Variants in TMEM223 observed in about 807,000 individuals in gnomAD.
TMEM223 encodes transmembrane protein 223.
In TMEM223, 14 loss-of-function variants were observed where a neutral mutation model predicts 14.1. The ratio of observed to expected loss-of-function variants is 0.99; its 90% CI spans 0.66 to 1.55. The LOEUF is 1.55. TMEM223 is among the 40% of genes most tolerant of loss of function. The pLI is 0.00. For missense variants in TMEM223, 346 were observed against 269.9 expected, an observed-to-expected ratio of 1.28 and a Z score of -1.97; for synonymous variants, 145 against 120.5, an observed-to-expected ratio of 1.20 and a Z score of -1.33.
chr11:62,786,628 C>G, downstream of TMEM223: 1 of 1,602,086 alleles, frequency 6.2e-7, no homozygotes, highest in African/African-American at 1.3e-5. Context: ...GGACAGCCTT[C>G]TCTTTCAAGA....
At chr11:62,789,088 A>G (rs1256435567), downstream of TMEM223, 6 of 1,614,058 alleles carry the variant, frequency 3.7e-6, no homozygotes, top group Non-Finnish European at 4.2e-6. Flanking sequence ...CCCTGGCCTT[A>G]TCCCGTCCCT....
intron 1 of TMEM223, among the ~76,000 whole-genome samples, chr11:62,775,426 GA>G (rs2084179451): frequency 6.6e-6 from 1 of 152,224 alleles, no homozygotes; most frequent in African/African-American, 2.4e-5. Context: ...GCAACCCTGT[GA>G]GCTAGAGAGG....
Position 62,790,388 on chromosome 11 carries a change from C to A in TMEM223, c.*235G>T. 1 of 564,096 alleles carries A rather than the reference C, an allele frequency of 1.8e-6. No homozygotes were observed. The highest frequency in any genetic ancestry group is 3.1e-6 in the Non-Finnish European group (1 of 323,876). 34.9% of individuals were successfully genotyped at this position (564,096 alleles called of 1,614,324 possible). A position where few individuals can be genotyped will look rare whatever the true frequency, so the allele number is the denominator to read the frequency against. ...TTTATTTGTTGTTAATGAATCTTGA[C>A]CTCCTTGTGTGACCCTGGTTGTTAC... On this transcript the variant is annotated 3_prime_UTR_variant, in exon 2 of 2. Transcript: ENST00000307366.
intron 2 of TMEM223, chr11:62,772,159 AT>A (rs750255735): frequency 3.9e-5 from 18 of 456,198 alleles, no homozygotes; most frequent in South Asian, 2.8e-4. Context: ...ATACATAATA[AT>A]ATCTTATTAT....
intron 1 of TMEM223, chr11:62,778,386 G>T (rs781323529): frequency 8.1e-6 from 13 of 1,597,934 alleles, no homozygotes; most frequent in Non-Finnish European, 1.1e-5. Context: ...TCTCCCTTAG[G>T]TTCTGAGGGT....
chr11:62,786,494 A>G (rs761915976), downstream of TMEM223: 95 of 1,571,856 alleles, frequency 6.0e-5, no homozygotes, highest in African/African-American at 6.8e-5. Flanking sequence ...TTTTTTGCCT[A>G]TCTTAGTCCT....
downstream of TMEM223, chr11:62,787,299 C>T (rs368768049): frequency 2.1e-4 from 315 of 1,536,518 alleles, 2 homozygotes; most frequent in East Asian, 2.4e-3. Flanking sequence ...CGCTCTGAGT[C>T]AGTGGCCCCT....
At position 62,790,353 on chromosome 11, in the gene TMEM223, T is replaced by C. The variant is rs1171230524; in HGVS notation, c.*270A>G. 9.1e-6 allele frequency: 5 copies of C among 546,842 alleles called. No homozygotes were observed. Among genetic ancestry groups the C allele is most frequent in the African/African-American group, 3.8e-5 (2 of 52,738 alleles). The allele number at this position is 546,842 out of a possible 1,614,324, so 33.9% of individuals were successfully genotyped here. ...TACTGTTAGGCAGCTGCCCTAGGGATGACTGCTCCTTTATTTGTTGTTAAT... is the reference window on the plus strand; with the variant it reads ...TACTGTTAGGCAGCTGCCCTAGGGACGACTGCTCCTTTATTTGTTGTTAAT... On this transcript the variant is annotated 3_prime_UTR_variant, in exon 2 of 2. Coordinates refer to ENST00000307366, the MANE Select transcript of TMEM223 (RefSeq NM_001080501.3).
In TMEM223 at chr11:62,790,564, T is replaced by TC. The variant is rs771727950; in HGVS notation, c.*58dup. ...ACAGGTGTGAACCAACACACCTGGC[T>TC]CCCCAAGGTTCAGTTTTTATCCTCC... On this transcript the variant is annotated 3_prime_UTR_variant, in exon 2 of 2. Coordinates refer to ENST00000307366, the MANE Select transcript of TMEM223 (RefSeq NM_001080501.3). 6 of 1,480,528 alleles carry TC rather than the reference T, an allele frequency of 4.1e-6. No individual in the cohort carries two copies. Among genetic ancestry groups the TC allele is most frequent in the Non-Finnish European group, 4.6e-6 (5 of 1,093,304 alleles). 91.7% of individuals were successfully genotyped at this position (1,480,528 alleles called of 1,614,324 possible).
At chr11:62,787,648 G>A (rs1001085217), downstream of TMEM223, 28 of 1,265,420 alleles carry the variant, frequency 2.2e-5, no homozygotes, top group Middle Eastern at 8.3e-4. Context: ...GGTGAGGCAC[G>A]GCTGGCGCCG....
chr11:62,787,709 G>T (rs2084304210), downstream of TMEM223: 12 of 788,530 alleles, frequency 1.5e-5, no homozygotes, highest in East Asian at 3.2e-4. Context: ...GCTCCTCCTG[G>T]CCAGGTCATA....
downstream of TMEM223, chr11:62,782,807 G>A (rs1277695044): frequency 6.2e-7 from 1 of 1,614,002 alleles, no homozygotes; most frequent in Non-Finnish European, 8.5e-7. Flanking sequence ...TGGTGGGGCT[G>A]CATGCTCTTG....
At chr11:62,785,543 T>C (rs2084265673), downstream of TMEM223, among the ~76,000 whole-genome samples, 2 of 150,684 alleles carry the variant, frequency 1.3e-5, no homozygotes, top group South Asian at 4.2e-4. Context: ...TAATTCTTTT[T>C]TTTTTTTTTG....
At position 62,790,560 on chromosome 11, in the gene TMEM223, T is replaced by G; in HGVS notation, c.*63A>C. The G allele has an allele frequency of 6.9e-7, 1 of 1,448,012 alleles. No individual in the cohort carries two copies. Among genetic ancestry groups the G allele is most frequent in the Non-Finnish European group, 9.3e-7 (1 of 1,071,554 alleles). 89.7% of individuals were successfully genotyped at this position (1,448,012 alleles called of 1,614,324 possible). ...TACAACAGGTGTGAACCAACACACC[T>G]GGCTCCCCAAGGTTCAGTTTTTATC... is the stretch of plus-strand genomic sequence containing the variant. On this transcript the variant is annotated 3_prime_UTR_variant, in exon 2 of 2. Transcript: ENST00000307366.
chr11:62,776,414 C>T (rs757364945), intron 1 of TMEM223: 22 of 1,613,612 alleles, frequency 1.4e-5, no homozygotes, highest in East Asian at 2.2e-5. Flanking sequence ...GCACACCAAA[C>T]GCCGGAAGCT....
chr11:62,775,029 A>G (rs953161636), intron 1 of TMEM223, among the ~76,000 whole-genome samples: 1 of 149,036 alleles, frequency 6.7e-6, no homozygotes, highest in Non-Finnish European at 1.5e-5. Context: ...GCGCTGCTAC[A>G]CTCCAGCCTG....
intron 2 of TMEM223, among the ~76,000 whole-genome samples, chr11:62,772,898 G>C (rs1218925149): frequency 2.0e-5 from 3 of 149,604 alleles, no homozygotes; most frequent in African/African-American, 7.4e-5. Flanking sequence ...TTTTTTTTGA[G>C]ACTGAGTTTA....
intron 1 of TMEM223, chr11:62,779,042 CAG>C (rs1190354921): frequency 2.7e-5 from 29 of 1,094,048 alleles, no homozygotes; most frequent in Non-Finnish European, 3.5e-5. Flanking sequence ...TTTTTTGAGA[CAG>C]AGTTTCGCTC....
chr11:62,786,555 A>G (rs1469313198), downstream of TMEM223: 1 of 1,557,686 alleles, frequency 6.4e-7, no homozygotes, highest in African/African-American at 1.4e-5. Context: ...AGGCCCAGGC[A>G]GCAGAGCCCA....
Sources: allele counts gnomAD v4.1 joint callset (sites outside exome capture counted in the v4.1 genomes callset), GRCh38; gene constraint gnomAD v4.1.1; transcripts MANE v1.5; gene names NCBI Gene and HGNC (gene_info 2026-07-23, HGNC 2026-07-21).